DTWD1: variants seen among roughly 807,000 people sequenced by gnomAD.
DTWD1 encodes the protein DTW motif tRNA-uridine aminocarboxypropyltransferase 1.
DTWD1 carries 27 observed loss-of-function variants against 30.2 expected under a neutral mutation model. The ratio of observed to expected loss-of-function variants is 0.90; its 90% CI spans 0.66 to 1.23. DTWD1 has a LOEUF of 1.23. Among genes scored for constraint, DTWD1 ranks in the 50% most tolerant of loss-of-function variants. DTWD1 has a pLI of 0.00. For missense variants in DTWD1, 342 were observed against 348.8 expected (o/e 0.98, Z 0.15); for synonymous variants, 99 against 113.1 (o/e 0.88, Z 0.79).
rs1050381793 is a variant in DTWD1, at chr15:49,655,919, C to T, written c.*12341C>T. On this transcript the variant is annotated 3_prime_UTR_variant, in exon 5 of 5. Transcript: ENST00000403028. ...TCCTCTCTAGGCCCATCATAAAAAT[C>T]TTTGAAAAATTAATACTACATTTTA... The T allele has an allele frequency of 2.0e-5, 3 of 151,974 alleles. No individual in the cohort carries two copies. The highest frequency in any genetic ancestry group is 4.8e-5 in the African/African-American group (2 of 41,410). 9.4% of individuals were successfully genotyped at this position (151,974 alleles called of 1,614,324 possible). A position where few individuals can be genotyped will look rare whatever the true frequency, so the allele number is the denominator to read the frequency against.
In DTWD1 at chr15:49,645,378, T is replaced by C. The variant is rs1002526890; in HGVS notation, c.*1800T>C. On this transcript the variant is annotated 3_prime_UTR_variant, in exon 5 of 5. Transcript: ENST00000403028. The stretch of plus-strand genomic sequence containing the variant: ...GTAAGGTCACCATTATATTATGCTA[T>C]TCATAAAAAGGAATGTGGATTATAT... 1.3e-5 allele frequency: 2 copies of C among 152,160 alleles called. No homozygotes were observed. The highest frequency in any genetic ancestry group is 2.9e-5 in the Non-Finnish European group (2 of 68,026). 9.4% of individuals were successfully genotyped at this position (152,160 alleles called of 1,614,324 possible).
At position 49,643,613 on chromosome 15, in the gene DTWD1, T is replaced by C. The variant is rs1025956745; in HGVS notation, c.*35T>C. ...AGCCACTTATGTCTTTTTATTTTGC[T>C]AACATTAATAAACTTATATTTGTGC... On this transcript the variant is annotated 3_prime_UTR_variant, in exon 5 of 5. Transcript: ENST00000403028. 1 of 1,537,480 alleles carries C rather than the reference T, an allele frequency of 6.5e-7. No individual in the cohort carries two copies. The highest frequency in any genetic ancestry group is 1.3e-5 in the South Asian group (1 of 78,698).
chr15:49,628,223 G>A (rs1007798460), intron 2 of DTWD1, among the ~76,000 whole-genome samples: 3 of 151,994 alleles, frequency 2.0e-5, no homozygotes, highest in African/African-American at 7.2e-5. Flanking sequence ...GTAATGTATG[G>A]AGCTGTCATC....
At chr15:49,623,554 T>C (rs556468417) in intron 1 of DTWD1, 1 of 152,270 alleles carries the variant, frequency 6.6e-6, no homozygotes. Context: ...TGAGCCACCA[T>C]GCGTGGCCCT....
At chr15:49,637,328 G>A (rs972463826) in intron 4 of DTWD1, among the ~76,000 whole-genome samples, 1 of 151,972 alleles carries the variant, frequency 6.6e-6, no homozygotes, top group African/African-American at 2.4e-5. Flanking sequence ...GTACTTCATG[G>A]CATGGCCTCA....
intron 4 of DTWD1, among the ~76,000 whole-genome samples, chr15:49,642,883 C>G (rs762783435): frequency 4.6e-5 from 7 of 152,148 alleles, no homozygotes; most frequent in African/African-American, 1.7e-4. Flanking sequence ...TATGATCACA[C>G]TGCTGCAGTC....
In DTWD1 at chr15:49,655,394, G is replaced by A. The variant is rs938187314; in HGVS notation, c.*11816G>A. ...AAGAAAGAAAGACTTATGAAGAAAA[G>A]ACCTGTAGAAAATCGGGCCTACGTA... On this transcript the variant is annotated 3_prime_UTR_variant, in exon 5 of 5. Coordinates refer to ENST00000403028, the MANE Select transcript of DTWD1 (RefSeq NM_001144955.2). 1 of 151,992 alleles carries A rather than the reference G, an allele frequency of 6.6e-6. No homozygotes were observed. Among genetic ancestry groups the A allele is most frequent in the African/African-American group, 2.4e-5 (1 of 41,406 alleles). The allele number at this position is 151,992 out of a possible 1,614,324, so 9.4% of individuals were successfully genotyped here.
chr15:49,627,242 G>A (rs2078855973), intron 2 of DTWD1, among the ~76,000 whole-genome samples: 1 of 152,114 alleles, frequency 6.6e-6, no homozygotes. Flanking sequence ...GTTTTCTAAA[G>A]TGTTTATATT....
At chr15:49,632,812 A>C (rs1418737391) in intron 3 of DTWD1, among the ~76,000 whole-genome samples, 1 of 152,006 alleles carries the variant, frequency 6.6e-6, no homozygotes, top group Admixed American at 6.6e-5. Flanking sequence ...ATTGGTTTTC[A>C]CCCAGTTGCA....
At chr15:49,626,491 CAAAG>C (rs2078846584) in intron 2 of DTWD1, among the ~76,000 whole-genome samples, 1 of 151,974 alleles carries the variant, frequency 6.6e-6, no homozygotes, top group Non-Finnish European at 1.5e-5. Context: ...TCTACATAAT[CAAAG>C]AATTTATTAT....
intron 1 of DTWD1, among the ~76,000 whole-genome samples, chr15:49,623,043 A>T (rs546893876): frequency 1.3e-5 from 2 of 152,330 alleles, no homozygotes; most frequent in East Asian, 3.9e-4. Context: ...GATAACTCCA[A>T]AAACTCACCA....
chr15:49,636,243 ATT>A, intron 4 of DTWD1, among the ~76,000 whole-genome samples: 1 of 151,016 alleles, frequency 6.6e-6, no homozygotes. Context: ...AGTGTTATCT[ATT>A]TATCTGTTGA....
chr15:49,631,726 A>G (rs1488246360), intron 2 of DTWD1, among the ~76,000 whole-genome samples: 1 of 152,212 alleles, frequency 6.6e-6, no homozygotes, highest in Non-Finnish European at 1.5e-5. Context: ...ACACCACTGC[A>G]CTGCAGCCTG....
intron 4 of DTWD1, among the ~76,000 whole-genome samples, chr15:49,637,713 G>A (rs2079019760): frequency 6.6e-6 from 1 of 152,164 alleles, no homozygotes; most frequent in African/African-American, 2.4e-5. Context: ...AAAACAGTTT[G>A]TTTCAAACTG....
chr15:49,633,049 C>CTCTATATATATA (rs2078947158), intron 3 of DTWD1, among the ~76,000 whole-genome samples: 3 of 117,316 alleles, frequency 2.6e-5, no homozygotes, highest in Non-Finnish European at 5.2e-5. Flanking sequence ...ATATCTATAT[C>CTCTATATATATA]TATATATATA....
chr15:49,624,660 A>G (rs986779657), intron 1 of DTWD1, among the ~76,000 whole-genome samples: 3 of 152,158 alleles, frequency 2.0e-5, no homozygotes, highest in African/African-American at 7.2e-5. Flanking sequence ...ATGTACACAG[A>G]CACACTCACA....
intron 2 of DTWD1, 54 bp from the exon 3 acceptor site, chr15:49,632,105 C>A: frequency 7.2e-7 from 1 of 1,390,090 alleles, no homozygotes; most frequent in Admixed American, 2.8e-5. Context: ...TTTTTATTAA[C>A]ATAAAAATTA....
intron 1 of DTWD1, among the ~76,000 whole-genome samples, chr15:49,624,054 A>AC (rs1028561198): frequency 1.1e-4 from 17 of 151,772 alleles, no homozygotes; most frequent in Admixed American, 2.0e-4. Context: ...CAATCTTAAA[A>AC]AAAAAAAGAA....
intron 3 of DTWD1, among the ~76,000 whole-genome samples, chr15:49,633,365 TGC>T (rs2078957868): frequency 6.6e-6 from 1 of 152,154 alleles, no homozygotes; most frequent in Non-Finnish European, 1.5e-5. Flanking sequence ...TTAAGAGTCG[TGC>T]TCTGTTGCTC....
Sources: allele counts gnomAD v4.1 joint callset (sites outside exome capture counted in the v4.1 genomes callset), GRCh38; gene constraint gnomAD v4.1.1; transcripts MANE v1.5; gene names NCBI Gene and HGNC (gene_info 2026-07-23, HGNC 2026-07-21).